Variants in DPP10 observed in about 807,000 individuals in gnomAD.
DPP10 encodes the protein dipeptidyl peptidase like 10, also known as inactive dipeptidyl peptidase 10.
Under a neutral mutation model 120.9 loss-of-function variants are expected in DPP10, and 33 were observed. The observed-to-expected ratio is 0.27, with a 90% confidence interval of 0.21 to 0.37. The LOEUF (loss-of-function observed/expected upper bound fraction) is 0.37. Among genes scored for constraint, DPP10 ranks in the 10% least tolerant of loss-of-function variants. The pLI, the probability that DPP10 is intolerant of heterozygous loss-of-function variation, is 1.00. For synonymous variants in DPP10, 337 were observed against 326.1 expected, an observed-to-expected ratio of 1.03 and a Z score of -0.36; for missense variants, 816 against 942.8, an observed-to-expected ratio of 0.87 and a Z score of 1.76.
chr2:114,487,099 C>T (rs7573840), intron 1 of DPP10, among the ~76,000 whole-genome samples: 19,198 of 152,142 alleles, frequency 0.13, 2,896 homozygotes, highest in African/African-American at 0.36. Flanking sequence ...GTTGTGCTTT[C>T]ATAACTAGCC....
intron 5 of DPP10, among the ~76,000 whole-genome samples, chr2:115,593,268 A>C (rs143656996): frequency 6.6e-6 from 1 of 152,272 alleles, no homozygotes; most frequent in Non-Finnish European, 1.5e-5. Flanking sequence ...TGGAAACAGA[A>C]GGAAAACAAA....
intron 19 of DPP10, among the ~76,000 whole-genome samples, chr2:115,799,600 A>C: frequency 5.0e-5 from 5 of 99,434 alleles, no homozygotes; most frequent in South Asian, 4.2e-4. Flanking sequence ...CCACCCCACA[A>C]CAGGCCCTGG....
Position 115,407,144 on chromosome 2 carries a change from C to T in DPP10, c.271+63232C>T, listed in dbSNP as rs914119966. 4.6e-5 allele frequency among the ~76,000 whole-genome samples: 7 copies of T among 152,270 alleles called. No individual in the cohort carries two copies. The South Asian group carries it at 8.3e-4, about 18-fold the overall frequency. On this transcript the variant is annotated intron_variant, in intron 3 of 25. Coordinates refer to ENST00000410059, the MANE Select transcript of DPP10 (RefSeq NM_020868.6). ...AGGCTCCTTCGCCCTGGAAACAGGG[C>T]GAACTTCCTGAGCCTCTACCCTGTC...
intron 21 of DPP10, 122 bp downstream of exon 21, chr2:115,815,851 C>G: frequency 3.9e-6 from 4 of 1,012,826 alleles, no homozygotes; most frequent in Admixed American, 4.0e-5. Flanking sequence ...GGATTCCATA[C>G]TTATTAACAT....
At chr2:115,269,850 A>G (rs1018103658) in intron 1 of DPP10, among the ~76,000 whole-genome samples, 2 of 152,110 alleles carry the variant, frequency 1.3e-5, no homozygotes, top group African/African-American at 4.8e-5. Context: ...GAAGCTGCCT[A>G]TCAAAGTACT....
intron 5 of DPP10, among the ~76,000 whole-genome samples, chr2:115,641,811 C>T (rs2086805863): frequency 6.6e-6 from 1 of 152,148 alleles, no homozygotes; most frequent in African/African-American, 2.4e-5. Context: ...TTATGGAATA[C>T]TGGTGCCTCA....
chr2:114,753,427 G>C (rs1325187887), intron 1 of DPP10, among the ~76,000 whole-genome samples: 3 of 152,138 alleles, frequency 2.0e-5, no homozygotes, highest in Non-Finnish European at 2.9e-5. Context: ...GATAATGTAA[G>C]TCTTATCTCC....
intron 1 of DPP10, among the ~76,000 whole-genome samples, chr2:115,179,282 A>C (rs1038098197): frequency 1.3e-5 from 2 of 152,198 alleles, no homozygotes; most frequent in Non-Finnish European, 1.5e-5. Flanking sequence ...TATAATAAGA[A>C]AGATTATATT....
At chr2:114,934,551 G>C (rs185805552) in intron 1 of DPP10, among the ~76,000 whole-genome samples, 1 of 152,162 alleles carries the variant, frequency 6.6e-6, no homozygotes, top group Non-Finnish European at 1.5e-5. Context: ...GATGGCAGAG[G>C]CAGAGTAAAA....
At chr2:114,996,980 CAAA>C (rs34287029) in intron 1 of DPP10, among the ~76,000 whole-genome samples, 1 of 66,460 alleles carries the variant, frequency 1.5e-5, no homozygotes, top group Non-Finnish European at 2.9e-5. Context: ...GACTCCATCT[CAAA>C]AAAAAAAAAA....
chr2:114,837,223 C>A (rs532512461), intron 1 of DPP10, among the ~76,000 whole-genome samples: 21 of 152,124 alleles, frequency 1.4e-4, no homozygotes, highest in Non-Finnish European at 2.9e-4. Context: ...TCAGAGATTG[C>A]AGTAAAGACA....
intron 1 of DPP10, among the ~76,000 whole-genome samples, chr2:114,779,950 C>T (rs1415760545): frequency 6.6e-6 from 1 of 152,064 alleles, no homozygotes; most frequent in Admixed American, 6.5e-5. Flanking sequence ...TCCTGGCTAA[C>T]ATGGTGAAAC....
At chr2:114,475,271 T>C (rs1424328894) in intron 1 of DPP10, among the ~76,000 whole-genome samples, 1 of 152,162 alleles carries the variant, frequency 6.6e-6, no homozygotes, top group Non-Finnish European at 1.5e-5. Context: ...TTATAATAAA[T>C]AGTAATGGAA....
Position 114,870,987 on chromosome 2 carries a change from C to CTT in DPP10, c.60+428158_60+428159dup, listed in dbSNP as rs34571820. Among the ~76,000 whole-genome samples, 680 of 124,864 alleles carry CTT rather than the reference C, an allele frequency of 5.4e-3. 127 individuals are homozygous for CTT. Among genetic ancestry groups the CTT allele is most frequent in the East Asian group, 0.012 (32 of 2,624 alleles). 81.9% of individuals were successfully genotyped at this position (124,864 alleles called of 152,430 possible). A position where few individuals can be genotyped will look rare whatever the true frequency, so the allele number is the denominator to read the frequency against. ...GTGACATCTACCCTCTTTTTCTTTT[C>CTT]TTTTTTTTTTGTTACTTAATTTAAG... On this transcript the variant is annotated intron_variant, in intron 1 of 25. Transcript: ENST00000410059.
rs2078033164 is a variant in DPP10, at chr2:115,524,922, T to C, written c.367-976T>C. ...CCCAAACTTGCCAAATATTGATTAG[T>C]CTGAATTTCTTATCCTATCCATTGT... On this transcript the variant is annotated intron_variant, in intron 4 of 25. Transcript: ENST00000410059. 2.6e-5 allele frequency among the ~76,000 whole-genome samples: 4 copies of C among 152,240 alleles called. No individual in the cohort carries two copies. The South Asian group carries it at 8.3e-4, about 32-fold the overall frequency.
At chr2:115,168,459 C>T (rs1432720010) in intron 1 of DPP10, among the ~76,000 whole-genome samples, 3 of 152,194 alleles carry the variant, frequency 2.0e-5, no homozygotes, top group Non-Finnish European at 4.4e-5. Context: ...TAGAATTGTT[C>T]TTGCTCTAGT....
At chr2:115,629,729 T>G (rs973229105) in intron 5 of DPP10, among the ~76,000 whole-genome samples, 25 of 152,312 alleles carry the variant, frequency 1.6e-4, no homozygotes, top group African/African-American at 5.8e-4. Flanking sequence ...GTGGTGTTAT[T>G]TCTGAGGCCT....
At chr2:115,632,526 G>A (rs1558953576) in intron 5 of DPP10, among the ~76,000 whole-genome samples, 2 of 152,100 alleles carry the variant, frequency 1.3e-5, no homozygotes, top group Non-Finnish European at 2.9e-5. Context: ...GCTCTTACAA[G>A]GCAGGCATGA....
At chr2:114,513,787 T>G (rs1015088257) in intron 1 of DPP10, among the ~76,000 whole-genome samples, 2 of 152,178 alleles carry the variant, frequency 1.3e-5, no homozygotes, top group Non-Finnish European at 2.9e-5. Context: ...CGTATTTTTA[T>G]ATTGAGAACC....
Sources: gnomAD v4.1 joint callset for allele counts (sites outside exome capture counted in the v4.1 genomes callset) on GRCh38, gnomAD v4.1.1 for gene constraint, MANE v1.5 for transcripts, NCBI Gene and HGNC (gene_info 2026-07-23, HGNC 2026-07-21) for gene names.